Variants in WDR72 observed in about 807,000 individuals in gnomAD.
WDR72 encodes the protein WD repeat domain 72, also known as WD repeat-containing protein 72.
In WDR72, 120 loss-of-function variants were observed where a neutral mutation model predicts 124.2. The ratio of observed to expected loss-of-function variants is 0.97; its 90% CI spans 0.83 to 1.12. The LOEUF (loss-of-function observed/expected upper bound fraction) is 1.12. WDR72 is among the 50% of genes most tolerant of loss of function. The pLI is 0.00. For missense variants in WDR72, 1,387 were observed against 1,278.8 expected (o/e 1.08, Z -1.29); for synonymous variants, 452 against 441.7 (o/e 1.02, Z -0.29).
intron 18 of WDR72, among the ~76,000 whole-genome samples, chr15:53,591,076 C>A (rs2012469538): frequency 6.6e-6 from 1 of 151,962 alleles, no homozygotes; most frequent in African/African-American, 2.4e-5. Context: ...CCTTTCCCCA[C>A]CCCAACTTTT....
intron 14 of WDR72, among the ~76,000 whole-genome samples, chr15:53,662,886 G>T (rs532768247): frequency 6.6e-6 from 1 of 152,058 alleles, no homozygotes; most frequent in East Asian, 1.9e-4. Context: ...GCAACAAAAT[G>T]AGATCTTGCC....
At chr15:53,733,282 G>A in intron 1 of WDR72, 121 bp from the exon 2 acceptor site, 1 of 1,078,422 alleles carries the variant, frequency 9.3e-7, no homozygotes. Flanking sequence ...CCAGTGCTAT[G>A]GAAAAGGGTG....
At chr15:53,694,242 G>T (rs780167847) in intron 13 of WDR72, among the ~76,000 whole-genome samples, 1 of 152,170 alleles carries the variant, frequency 6.6e-6, no homozygotes, top group African/African-American at 2.4e-5. Context: ...CTGAGTAAGG[G>T]AAGCAATTTC....
chr15:53,585,538 C>T (rs1420182414), intron 18 of WDR72, among the ~76,000 whole-genome samples: 1 of 151,910 alleles, frequency 6.6e-6, no homozygotes, highest in Non-Finnish European at 1.5e-5. Flanking sequence ...CCTGTGATGC[C>T]CCCATGCATA....
At chr15:53,592,863 G>A (rs568988179) in intron 18 of WDR72, among the ~76,000 whole-genome samples, 2 of 152,218 alleles carry the variant, frequency 1.3e-5, no homozygotes, top group African/African-American at 2.4e-5. Flanking sequence ...AGCCTCAAAT[G>A]TAAGTGTTAA....
chr15:53,671,936 GA>G (rs146931682), intron 13 of WDR72, among the ~76,000 whole-genome samples: 2,136 of 150,364 alleles, frequency 0.014, 58 homozygotes, highest in African/African-American at 0.05. Flanking sequence ...AGAGAAAAGA[GA>G]AAAAAAAGGG....
intron 18 of WDR72, among the ~76,000 whole-genome samples, chr15:53,535,083 G>T (rs1314201015): frequency 6.6e-6 from 1 of 151,934 alleles, no homozygotes; most frequent in Non-Finnish European, 1.5e-5. Context: ...AATTTAACTA[G>T]ATAAAAATAA....
chr15:53,756,764 A>G (rs930049567), intron 1 of WDR72: 3 of 152,208 alleles, frequency 2.0e-5, no homozygotes, highest in African/African-American at 7.2e-5. Context: ...TCACTATTCC[A>G]AACATGAAGA....
rs749354192 is a variant in WDR72 at position 53,702,202 on chromosome 15, T to C, written c.1501A>G (p.Ile501Val). 128 of 1,613,988 alleles carry C rather than the reference T, an allele frequency of 7.9e-5. No individual in the cohort carries two copies. In the Middle Eastern group the frequency reaches 2.8e-3, roughly 35 times the overall value. ...VILWDIFTEEILHKFFLEAGP... is the reference protein window; with the variant it reads ...VILWDIFTEEVLHKFFLEAGP... ...GCTTCCAAAAAGAATTTATGCAAAA[T>C]TTCTTCAGTAAAGATATCCCACAAG... Residue 501 changes from isoleucine to valine, a missense_variant, in exon 12 of 20, where the codon ATT becomes GTT. Transcript: ENST00000360509.
chr15:53,673,086 A>G (rs937726259), intron 13 of WDR72, among the ~76,000 whole-genome samples: 3 of 152,060 alleles, frequency 2.0e-5, no homozygotes, highest in Non-Finnish European at 4.4e-5. Flanking sequence ...ATGCCACCGC[A>G]CTCCAGCCAG....
intron 18 of WDR72, among the ~76,000 whole-genome samples, chr15:53,571,762 T>C (rs1338909640): frequency 2.2e-5 from 2 of 89,362 alleles, no homozygotes; most frequent in African/African-American, 4.0e-5. Context: ...ACAGCAGTTC[T>C]ATTTTTCATT....
chr15:53,527,807 A>G (rs1470692674), intron 18 of WDR72, among the ~76,000 whole-genome samples: 1 of 152,064 alleles, frequency 6.6e-6, no homozygotes, highest in Non-Finnish European at 1.5e-5. Flanking sequence ...GAAAGACTAA[A>G]AGATAGCTCA....
chr15:53,595,842 G>A (rs1244311744), intron 18 of WDR72, among the ~76,000 whole-genome samples: 1 of 152,106 alleles, frequency 6.6e-6, no homozygotes, highest in Non-Finnish European at 1.5e-5. Flanking sequence ...GATCATTAAA[G>A]CTAATTTTTG....
At chr15:53,699,686 A>G (rs1469657553) in intron 13 of WDR72, 64 bp downstream of exon 13, 1 of 1,566,450 alleles carries the variant, frequency 6.4e-7, no homozygotes, top group African/African-American at 1.4e-5. Context: ...GAAACTTTCC[A>G]TCTGGTCAAA....
intron 18 of WDR72, among the ~76,000 whole-genome samples, chr15:53,547,257 C>G (rs933131185): frequency 1.3e-5 from 2 of 152,186 alleles, no homozygotes; most frequent in Admixed American, 1.3e-4. Flanking sequence ...CTCAGCCTCC[C>G]GAGTTGCCGG....
At chr15:53,726,193 T>TAC (rs1249993532) in intron 2 of WDR72, among the ~76,000 whole-genome samples, 1 of 133,410 alleles carries the variant, frequency 7.5e-6, no homozygotes, top group Non-Finnish European at 1.5e-5. Flanking sequence ...TATATATATA[T>TAC]GTGTGTGTGT....
chr15:53,625,534 T>C (rs916979562), intron 14 of WDR72, among the ~76,000 whole-genome samples: 5 of 152,162 alleles, frequency 3.3e-5, no homozygotes, highest in African/African-American at 9.7e-5. Context: ...TACATCTACA[T>C]GTGAATGCTA....
At chr15:53,651,097 C>T (rs1315207225) in intron 14 of WDR72, among the ~76,000 whole-genome samples, 1 of 152,092 alleles carries the variant, frequency 6.6e-6, no homozygotes, top group Admixed American at 6.6e-5. Context: ...CTCCCTCCCC[C>T]ATACTCCTCT....
chr15:53,695,763 C>G (rs192789334), intron 13 of WDR72, among the ~76,000 whole-genome samples: 1 of 152,248 alleles, frequency 6.6e-6, no homozygotes, highest in East Asian at 1.9e-4. Flanking sequence ...AAAGGAACAC[C>G]CTTATCAGTC....
Sources: allele counts gnomAD v4.1 joint callset (sites outside exome capture counted in the v4.1 genomes callset), GRCh38; gene constraint gnomAD v4.1.1; transcripts MANE v1.5; gene names NCBI Gene and HGNC (gene_info 2026-07-23, HGNC 2026-07-21).